The following KRT80 variants were observed in gnomAD, a reference collection of about 807,000 sequenced individuals.
The protein encoded by KRT80 is keratin 80, also known as keratin, type II cytoskeletal 80.
In KRT80, 36 loss-of-function variants were observed where a neutral mutation model predicts 51.5. That is an observed-to-expected ratio of 0.70 (90% CI 0.54 to 0.92). The LOEUF is 0.92. Ranked by LOEUF, KRT80 falls within the 40% of genes least tolerant of loss-of-function variation. The pLI is 0.00. For missense variants in KRT80, 566 were observed against 591.7 expected, an observed-to-expected ratio of 0.96 and a Z score of 0.45; for synonymous variants, 235 against 248.3, an observed-to-expected ratio of 0.95 and a Z score of 0.50.
intron 1 of KRT80, 143 bp downstream of exon 1, chr12:52,191,460 G>A (rs1365227341): frequency 2.4e-6 from 2 of 818,166 alleles, no homozygotes. Flanking sequence ...CTCAGAGCTA[G>A]CCTGTCGGGT....
intron 1 of KRT80, among the ~76,000 whole-genome samples, chr12:52,188,191 C>T (rs949559428): frequency 2.0e-5 from 3 of 152,136 alleles, no homozygotes; most frequent in Non-Finnish European, 4.4e-5. Context: ...CTGAGAGGTG[C>T]CAGGTTAATT....
chr12:52,177,378 G>T (rs558962311), intron 4 of KRT80, among the ~76,000 whole-genome samples: 1 of 152,148 alleles, frequency 6.6e-6, no homozygotes, highest in Non-Finnish European at 1.5e-5. Flanking sequence ...TGGCTGCAGG[G>T]GGTTGTCAGC....
At chr12:52,173,245 T>A (rs1270081272) in intron 5 of KRT80, 82 bp from the exon 6 acceptor site, 7 of 1,412,140 alleles carry the variant, frequency 5.0e-6, no homozygotes, top group Non-Finnish European at 6.5e-6. Context: ...TTTTCTTGCA[T>A]CCTCCAGTCC....
intron 2 of KRT80, among the ~76,000 whole-genome samples, chr12:52,182,627 C>A (rs1321726711): frequency 6.6e-6 from 1 of 152,242 alleles, no homozygotes; most frequent in Non-Finnish European, 1.5e-5. Context: ...ACAGGTGCCT[C>A]TCTGCCACTC....
intron 5 of KRT80, 81 bp from the exon 6 acceptor site, chr12:52,173,244 A>T: frequency 7.0e-7 from 1 of 1,432,674 alleles, no homozygotes; most frequent in African/African-American, 1.4e-5. Context: ...TTTTTCTTGC[A>T]TCCTCCAGTC....
intron 1 of KRT80, among the ~76,000 whole-genome samples, chr12:52,187,810 T>C (rs1346144082): frequency 4.6e-5 from 7 of 152,156 alleles, no homozygotes; most frequent in Non-Finnish European, 7.4e-5. Flanking sequence ...TGCCTCCGTT[T>C]TGACAAGCAG....
chr12:52,169,310 T>G lies in KRT80; in HGVS notation c.*2088A>C, dbSNP rs1321184282. On this transcript the variant is annotated 3_prime_UTR_variant, in exon 9 of 9. Transcript: ENST00000394815. ...TCCACTTCCAACACTGGGAATTACATTTCAACATGAGATTTGGAGGGGACG... is the reference window on the plus strand; with the variant it reads ...TCCACTTCCAACACTGGGAATTACAGTTCAACATGAGATTTGGAGGGGACG... 2 of 152,258 alleles carry G rather than the reference T, an allele frequency of 1.3e-5. No individual in the cohort carries two copies. The highest frequency in any genetic ancestry group is 4.8e-5 in the African/African-American group (2 of 41,458). The allele number at this position is 152,258 out of a possible 1,614,324, so 9.4% of individuals were successfully genotyped here.
intron 1 of KRT80, among the ~76,000 whole-genome samples, chr12:52,187,216 C>T (rs1696868572): frequency 6.6e-6 from 1 of 152,238 alleles, no homozygotes. Context: ...GTGATGCTCC[C>T]TATGGTCACA....
In KRT80 at chr12:52,171,421, G is replaced by T. The variant is rs886981862; in HGVS notation, c.1336C>A (p.Gln446Lys). 2 of 1,606,168 alleles carry T rather than the reference G, an allele frequency of 1.2e-6. No individual in the cohort carries two copies. The highest frequency in any genetic ancestry group is 1.3e-5 in the African/African-American group (1 of 74,804). Residue 446 changes from glutamine (Q) to lysine (K), a missense_variant, in exon 9 of 9, where the codon CAG becomes AAG. Gln to Lys is a moderately conservative substitution (Grantham distance 53). Coordinates refer to ENST00000394815, the MANE Select transcript of KRT80 (RefSeq NM_182507.3). ...CCTTACTCTGAGACCTCCGACTCCT[G>T]CGAGAAGTACTTCTCTGACATTTCG... Reference protein sequence around the residue: ...ITEMSEKYFSQESEVSE With the variant: ...ITEMSEKYFSKESEVSE
At chr12:52,171,599 A>C (rs746183144) in intron 8 of KRT80, 59 bp downstream of exon 8, 114 of 1,609,596 alleles carry the variant, frequency 7.1e-5, no homozygotes, top group Non-Finnish European at 9.2e-5. Context: ...CTTTAGGATC[A>C]TGATCCCCTA....
At chr12:52,177,631 T>C (rs1941251227) in intron 4 of KRT80, among the ~76,000 whole-genome samples, 1 of 121,466 alleles carries the variant, frequency 8.2e-6, no homozygotes, top group South Asian at 2.8e-4. Flanking sequence ...AGAATGTATC[T>C]TGGCTGTGTG....
rs185372773 is a variant in KRT80 at position 52,185,374 on chromosome 12, C to T, written c.509+5G>A. 3.0e-4 allele frequency: 490 copies of T among 1,607,282 alleles called. No homozygotes were observed. Among genetic ancestry groups the T allele is most frequent in the Non-Finnish European group, 3.8e-4 (449 of 1,176,308 alleles). ...TGCTCATGGCTCTCATGGGGCTCTACGTACCTGATTCGAAACTCCTCAACC... is the reference window on the plus strand; with the variant it reads ...TGCTCATGGCTCTCATGGGGCTCTATGTACCTGATTCGAAACTCCTCAACC... On this transcript the variant is annotated splice_donor_5th_base_variant and intron_variant, in intron 2 of 8. Transcript: ENST00000394815.
At position 52,180,627 on chromosome 12, in the gene KRT80, G is replaced by A. The variant is rs755953295; in HGVS notation, c.571-19C>T. ...CCAGGTCCTGGGGTTGGCAGCAGTG[G>A]TGAGTGGTGGGAGAGGGAATGGAGG... On this transcript the variant is annotated intron_variant, in intron 3 of 8. Transcript: ENST00000394815. The A allele has an allele frequency of 1.9e-5, 29 of 1,524,530 alleles. No individual in the cohort carries two copies. In the East Asian group the frequency reaches 5.7e-4, roughly 30 times the overall value. The allele number at this position is 1,524,530 out of a possible 1,614,324, so 94.4% of individuals were successfully genotyped here.
Position 52,185,444 on chromosome 12 carries a change from C to T in KRT80, c.444G>A (p.Gln148=). The T allele has an allele frequency of 6.2e-7, 1 of 1,614,136 alleles. No individual in the cohort carries two copies. The highest frequency in any genetic ancestry group is 2.2e-5 in the East Asian group (1 of 44,886). Residue 148 remains glutamine, a synonymous_variant, in exon 2 of 9, where the codon CAG becomes CAA. Coordinates refer to ENST00000394815, the MANE Select transcript of KRT80 (RefSeq NM_182507.3). ...GGTTGGCCTCCAGCTGCCCCCGCTC[C>T]TGGCTCACTTTGCGCAGTTCCTCCT... ...RLQEELRKVS[Q]ERGQLEANLL...
chr12:52,188,443 C>T (rs532714155), intron 1 of KRT80, among the ~76,000 whole-genome samples: 4 of 152,294 alleles, frequency 2.6e-5, no homozygotes, highest in South Asian at 2.1e-4. Flanking sequence ...GGAGACAGGC[C>T]GGACATCCCA....
intron 5 of KRT80, 120 bp from the exon 6 acceptor site, chr12:52,173,283 C>G (rs1334911306): frequency 1.5e-6 from 2 of 1,303,546 alleles, no homozygotes. Flanking sequence ...CCCACCACGC[C>G]ACGCCAGGCT....
chr12:52,174,593 C>T (rs1307901019), intron 4 of KRT80, among the ~76,000 whole-genome samples: 1 of 152,268 alleles, frequency 6.6e-6, no homozygotes, highest in Non-Finnish European at 1.5e-5. Context: ...TGAGCGTTTT[C>T]CACACATCCT....
At chr12:52,177,184 T>C (rs1206388275) in intron 4 of KRT80, among the ~76,000 whole-genome samples, 1 of 152,206 alleles carries the variant, frequency 6.6e-6, no homozygotes, top group African/African-American at 2.4e-5. Context: ...GCACAGTGTC[T>C]GGAATATATT....
In KRT80 at chr12:52,180,583, C is replaced by T. The variant is rs370733658; in HGVS notation, c.596G>A (p.Arg199Gln). The change falls in exon 4 of 9, where the codon CGG (arginine) becomes CAG (glutamine). Residue 199 changes from arginine to glutamine, a missense_variant. Transcript: ENST00000394815. ...KKDLDAECLH[R>Q]TELETKLKSL... ...TTTTAACTTGGTTTCCAGTTCAGTC[C>T]GATGAAGACACTCTGCATCCAGGTC... 2.0e-4 allele frequency: 307 copies of T among 1,499,190 alleles called. No individual in the cohort carries two copies. The highest frequency in any genetic ancestry group is 2.6e-4 in the Non-Finnish European group (288 of 1,125,034). 92.9% of individuals were successfully genotyped at this position (1,499,190 alleles called of 1,614,324 possible). A position where few individuals can be genotyped will look rare whatever the true frequency, so the allele number is the denominator to read the frequency against.
Sources: gnomAD v4.1 joint callset for allele counts (sites outside exome capture counted in the v4.1 genomes callset) on GRCh38, gnomAD v4.1.1 for gene constraint, MANE v1.5 for transcripts, NCBI Gene and HGNC (gene_info 2026-07-23, HGNC 2026-07-21) for gene names.